The following WDR1 variants were observed in gnomAD, a reference collection of about 807,000 sequenced individuals.
The protein encoded by WDR1 is WD repeat domain 1.
A neutral mutation model predicts 71.9 loss-of-function variants in WDR1; 21 were observed. The ratio of observed to expected loss-of-function variants is 0.29; its 90% CI spans 0.21 to 0.42. The LOEUF (loss-of-function observed/expected upper bound fraction) is 0.42, where lower values mean the gene tolerates loss of function less well. WDR1 is among the 10% of genes least tolerant of loss of function. The probability of loss-of-function intolerance (pLI) is 1.00; values close to 1 mark genes in which losing one functional copy is unlikely to be tolerated. For synonymous variants in WDR1, 424 were observed against 347.4 expected, an observed-to-expected ratio of 1.22 and a Z score of -2.45; for missense variants, 696 against 824.5, an observed-to-expected ratio of 0.84 and a Z score of 1.91.
intron 5 of WDR1, among the ~76,000 whole-genome samples, chr4:10,089,484 A>C (rs770989763): frequency 2.0e-5 from 3 of 149,246 alleles, no homozygotes; most frequent in Non-Finnish European, 4.5e-5. Flanking sequence ...AGGAAATGAC[A>C]TGACTTCCAG....
chr4:10,075,280 G>T lies in WDR1; in HGVS notation c.*98C>A. On this transcript the variant is annotated 3_prime_UTR_variant, in exon 15 of 15. Coordinates refer to ENST00000499869, the MANE Select transcript of WDR1 (RefSeq NM_017491.5). ...TCCTGCCTCTTGTGGTGGGGTGGGG[G>T]CATGGGGGCGCGTCACAGAAATAGA... 9.5e-7 allele frequency: 1 copy of T among 1,057,434 alleles called. No individual in the cohort carries two copies. The highest frequency in any genetic ancestry group is 1.4e-5 in the South Asian group (1 of 70,676). The allele number at this position is 1,057,434 out of a possible 1,614,324, so 65.5% of individuals were successfully genotyped here.
chr4:10,107,267 G>C (rs1052982070), intron 2 of WDR1, among the ~76,000 whole-genome samples: 1 of 152,170 alleles, frequency 6.6e-6, no homozygotes, highest in Admixed American at 6.5e-5. Flanking sequence ...CTGCCGTTCA[G>C]TCCTCACCAC....
chr4:10,094,997 C>T (rs1445790922), intron 5 of WDR1: 1 of 152,352 alleles, frequency 6.6e-6, no homozygotes, highest in African/African-American at 2.4e-5. Flanking sequence ...ACCTGGGTAA[C>T]TAGGGAAGCA....
At chr4:10,078,216 G>A (rs1764874778) in intron 12 of WDR1, among the ~76,000 whole-genome samples, 1 of 152,206 alleles carries the variant, frequency 6.6e-6, no homozygotes, top group East Asian at 1.9e-4. Context: ...GCACCTGAAG[G>A]ACCTGGCAGC....
At chr4:10,116,402 G>A in intron 1 of WDR1, 168 bp from the exon 2 acceptor site, 4 of 1,086,590 alleles carry the variant, frequency 3.7e-6, no homozygotes, top group Non-Finnish European at 5.1e-6. Flanking sequence ...CCTGGTCCGC[G>A]CCCCGGGCCA....
At chr4:10,100,336 T>G (rs4697917) in intron 3 of WDR1, among the ~76,000 whole-genome samples, 98,520 of 151,884 alleles carry the variant, frequency 0.65, 33,183 homozygotes, top group Middle Eastern at 0.76. Flanking sequence ...TCCAGAAGAG[T>G]GGAAATAACA....
At chr4:10,111,976 C>G (rs1324910136) in intron 2 of WDR1, among the ~76,000 whole-genome samples, 1 of 152,148 alleles carries the variant, frequency 6.6e-6, no homozygotes, top group African/African-American at 2.4e-5. Context: ...ACTTTAAAAA[C>G]CAGGCCCCAA....
chr4:10,083,635 G>C (rs1413534498), intron 9 of WDR1: 1 of 484,592 alleles, frequency 2.1e-6, no homozygotes, highest in South Asian at 1.5e-5. Flanking sequence ...ACAAAAGGCA[G>C]TCTCCAACAC....
At chr4:10,088,555 G>T (rs554647561) in intron 6 of WDR1, 109 bp downstream of exon 6, 1 of 1,171,216 alleles carries the variant, frequency 8.5e-7, no homozygotes. Context: ...GGAGGGCGAT[G>T]TCTAAGTTCT....
At chr4:10,111,795 C>T (rs1235074489) in intron 2 of WDR1, among the ~76,000 whole-genome samples, 1 of 151,446 alleles carries the variant, frequency 6.6e-6, no homozygotes, top group Non-Finnish European at 1.5e-5. Flanking sequence ...CCAATACCCT[C>T]CCCAACCCCC....
chr4:10,104,704 A>G (rs1467694326), intron 2 of WDR1, among the ~76,000 whole-genome samples: 3 of 152,168 alleles, frequency 2.0e-5, no homozygotes, highest in African/African-American at 7.2e-5. Flanking sequence ...AGTGAAACAG[A>G]AACACACACA....
intron 2 of WDR1, among the ~76,000 whole-genome samples, chr4:10,111,120 C>T (rs886295543): frequency 2.4e-4 from 36 of 152,204 alleles, no homozygotes; most frequent in African/African-American, 7.7e-4. Flanking sequence ...TTCTCCTTAC[C>T]GTAGGCTGGA....
At chr4:10,109,823 C>T (rs1713240986) in intron 2 of WDR1, among the ~76,000 whole-genome samples, 1 of 152,236 alleles carries the variant, frequency 6.6e-6, no homozygotes, top group Non-Finnish European at 1.5e-5. Context: ...AGCATCCTCA[C>T]CTCTCAAAAG....
At chr4:10,114,757 G>C (rs984649447) in intron 2 of WDR1, among the ~76,000 whole-genome samples, 1 of 152,142 alleles carries the variant, frequency 6.6e-6, no homozygotes, top group Admixed American at 6.5e-5. Flanking sequence ...AAGGCCCTTC[G>C]GCTTTCTAGG....
At chr4:10,108,600 G>A (rs757882568) in intron 2 of WDR1, among the ~76,000 whole-genome samples, 2 of 152,216 alleles carry the variant, frequency 1.3e-5, no homozygotes, top group Non-Finnish European at 2.9e-5. Flanking sequence ...AGCAACAGAG[G>A]CTGAAAGCTG....
chr4:10,079,030 C>T (rs768963939), intron 11 of WDR1, 29 bp from the exon 12 acceptor site: 7 of 1,554,784 alleles, frequency 4.5e-6, no homozygotes, highest in Middle Eastern at 1.7e-4. Context: ...GCTGGTCAGG[C>T]GGTCCAGCCC....
chr4:10,110,506 C>T (rs1713285153), intron 2 of WDR1, among the ~76,000 whole-genome samples: 1 of 152,218 alleles, frequency 6.6e-6, no homozygotes, highest in Non-Finnish European at 1.5e-5. Flanking sequence ...TGAGAGGACC[C>T]AGGTACACAT....
intron 2 of WDR1, among the ~76,000 whole-genome samples, chr4:10,109,361 C>A (rs1436050318): frequency 6.6e-6 from 1 of 152,272 alleles, no homozygotes; most frequent in African/African-American, 2.4e-5. Flanking sequence ...CACTGCAAAT[C>A]AGGGACCATA....
intron 9 of WDR1, 51 bp downstream of exon 9, chr4:10,084,392 T>TC (rs767420539): frequency 1.9e-6 from 3 of 1,555,904 alleles, no homozygotes; most frequent in African/African-American, 2.7e-5. Context: ...AACAGGAAAT[T>TC]CCCCCCTAGA....
Sources: gnomAD v4.1 joint callset for allele counts (sites outside exome capture counted in the v4.1 genomes callset) on GRCh38, gnomAD v4.1.1 for gene constraint, MANE v1.5 for transcripts, NCBI Gene and HGNC (gene_info 2026-07-23, HGNC 2026-07-21) for gene names.